The following RYR2 variants were observed in gnomAD, a reference collection of about 807,000 sequenced individuals.
The protein encoded by RYR2 is cardiac muscle ryanodine receptor-calcium release channel.
Under a neutral mutation model 601.1 loss-of-function variants are expected in RYR2, and 227 were observed. That is an observed-to-expected ratio of 0.38 (90% CI 0.34 to 0.42). The LOEUF (loss-of-function observed/expected upper bound fraction) is 0.42, where lower values mean the gene tolerates loss of function less well. Among genes scored for constraint, RYR2 ranks in the 10% least tolerant of loss-of-function variants. RYR2 has a pLI of 1.00. For missense variants in RYR2, 4,646 were observed against 6,156.5 expected (o/e 0.75, Z 8.21); for synonymous variants, 2,223 against 2,175.1 (o/e 1.02, Z -0.61).
chr1:237,643,915 T>A (rs1398172539), intron 48 of RYR2, among the ~76,000 whole-genome samples: 1 of 152,056 alleles, frequency 6.6e-6, no homozygotes, highest in East Asian at 1.9e-4. Flanking sequence ...CATCCAGACT[T>A]TTTTCCATTG....
At chr1:237,426,335 C>G (rs1172167032) in intron 12 of RYR2, among the ~76,000 whole-genome samples, 1 of 152,134 alleles carries the variant, frequency 6.6e-6, no homozygotes, top group Non-Finnish European at 1.5e-5. Flanking sequence ...GCATCTGTAT[C>G]TATATATTTG....
At chr1:237,152,851 A>G (rs907640632) in intron 1 of RYR2, among the ~76,000 whole-genome samples, 1 of 152,228 alleles carries the variant, frequency 6.6e-6, no homozygotes, top group African/African-American at 2.4e-5. Context: ...AAAAGAAACT[A>G]TCATCAGAGC....
At chr1:237,502,500 G>A (rs1437717816) in intron 21 of RYR2, among the ~76,000 whole-genome samples, 2 of 152,086 alleles carry the variant, frequency 1.3e-5, no homozygotes, top group Non-Finnish European at 2.9e-5. Context: ...TTGAAGGTGG[G>A]GATGGTTTCA....
intron 14 of RYR2, among the ~76,000 whole-genome samples, chr1:237,454,032 C>T (rs1301734258): frequency 6.6e-6 from 1 of 152,114 alleles, no homozygotes; most frequent in African/African-American, 2.4e-5. Context: ...AAGGAAATGT[C>T]AGAATTATGA....
intron 24 of RYR2, among the ~76,000 whole-genome samples, chr1:237,513,812 A>G (rs952913297): frequency 2.6e-5 from 4 of 152,246 alleles, no homozygotes; most frequent in Non-Finnish European, 5.9e-5. Context: ...TAATGTTCAC[A>G]TAATGATGAA....
chr1:237,572,101 G>A (rs1451573272), intron 29 of RYR2, among the ~76,000 whole-genome samples: 1 of 152,034 alleles, frequency 6.6e-6, no homozygotes, highest in African/African-American at 2.4e-5. Context: ...TTATCTCCGG[G>A]TGGTGAAATT....
chr1:237,780,480 A>G (rs540992140), intron 88 of RYR2, among the ~76,000 whole-genome samples: 84 of 151,810 alleles, frequency 5.5e-4, no homozygotes, highest in African/African-American at 2.0e-3. Flanking sequence ...AACACTGTAT[A>G]GCTTCATATG....
At chr1:237,174,102 G>T (rs1450793349) in intron 1 of RYR2, among the ~76,000 whole-genome samples, 1 of 152,090 alleles carries the variant, frequency 6.6e-6, no homozygotes, top group Non-Finnish European at 1.5e-5. Context: ...ATTTAAAAGA[G>T]ATTGTTTCAA....
Position 237,608,021 on chromosome 1 carries a change from C to T in RYR2, c.4684-2741C>T, listed in dbSNP as rs185423437. Among the ~76,000 whole-genome samples, 743 of 152,250 alleles carry T rather than the reference C, an allele frequency of 4.9e-3. 4 individuals are homozygous for T. The highest frequency in any genetic ancestry group is 9.1e-3 in the Non-Finnish European group (621 of 68,020). ...ACATACGTATGCATACCTATATACA[C>T]ATATGTATACACCATTGTGCTAAAA... is the stretch of plus-strand genomic sequence containing the variant. On this transcript the variant is annotated intron_variant, in intron 35 of 104. Transcript: ENST00000366574.
chr1:237,185,472 T>G (rs144882969), intron 1 of RYR2, among the ~76,000 whole-genome samples: 1 of 152,284 alleles, frequency 6.6e-6, no homozygotes, highest in East Asian at 1.9e-4. Flanking sequence ...CTACTTTGCC[T>G]CTCACATTCT....
At chr1:237,091,508 T>C (rs1445559090) in intron 1 of RYR2, among the ~76,000 whole-genome samples, 1 of 151,792 alleles carries the variant, frequency 6.6e-6, no homozygotes, top group Non-Finnish European at 1.5e-5. Context: ...CACTGCAACC[T>C]CCGCCTCCTG....
intron 99 of RYR2, among the ~76,000 whole-genome samples, chr1:237,807,435 C>A (rs1043391658): frequency 6.6e-6 from 1 of 152,198 alleles, no homozygotes; most frequent in Non-Finnish European, 1.5e-5. Context: ...ACTGCAACCT[C>A]CGCCTCCCTA....
chr1:237,691,860 G>T (rs1390638773), intron 63 of RYR2, among the ~76,000 whole-genome samples: 2 of 152,144 alleles, frequency 1.3e-5, no homozygotes, highest in Non-Finnish European at 2.9e-5. Flanking sequence ...ACATAAATAG[G>T]ACGTAGGCAG....
intron 1 of RYR2, among the ~76,000 whole-genome samples, chr1:237,269,469 T>C (rs1222570237): frequency 1.3e-5 from 2 of 152,128 alleles, no homozygotes; most frequent in Non-Finnish European, 2.9e-5. Context: ...AGAATATACT[T>C]GTGTGTCCTT....
chr1:237,600,196 A>C (rs906052128), intron 34 of RYR2, among the ~76,000 whole-genome samples: 5 of 152,176 alleles, frequency 3.3e-5, no homozygotes, highest in African/African-American at 1.2e-4. Flanking sequence ...AGCCATAGTA[A>C]CCAAAACACT....
At chr1:237,697,696 GC>G (rs1687618452) in intron 63 of RYR2, among the ~76,000 whole-genome samples, 2 of 150,042 alleles carry the variant, frequency 1.3e-5, no homozygotes. Flanking sequence ...ATTTGAGAGT[GC>G]CTGGTTTTAA....
rs116340616 is a variant in RYR2 at position 237,343,308 on chromosome 1, C to T, written c.273+12326C>T. 5.6e-3 allele frequency among the ~76,000 whole-genome samples: 845 copies of T among 151,986 alleles called. 4 individuals carry two copies. Among genetic ancestry groups the T allele is most frequent in the African/African-American group, 0.017 (692 of 41,480 alleles). ...AAAGCTAAATGAAAGTTAAATAACACGAGAGATCACAGAAGAAACAGCAGC... is the reference window on the plus strand; with the variant it reads ...AAAGCTAAATGAAAGTTAAATAACATGAGAGATCACAGAAGAAACAGCAGC... On this transcript the variant is annotated intron_variant, in intron 3 of 104. Transcript: ENST00000366574.
At chr1:237,423,772 C>A (rs1328385748) in intron 12 of RYR2, among the ~76,000 whole-genome samples, 2 of 152,176 alleles carry the variant, frequency 1.3e-5, no homozygotes, top group Admixed American at 1.3e-4. Context: ...ATATGCGGAC[C>A]TTCATCCTTA....
chr1:237,158,228 G>T (rs907182666), intron 1 of RYR2, among the ~76,000 whole-genome samples: 1 of 152,298 alleles, frequency 6.6e-6, no homozygotes, highest in South Asian at 2.1e-4. Context: ...AGTTATAGAT[G>T]GAGTGAGTTG....
Sources: gnomAD v4.1 joint callset for allele counts (sites outside exome capture counted in the v4.1 genomes callset) on GRCh38, gnomAD v4.1.1 for gene constraint, MANE v1.5 for transcripts, NCBI Gene and HGNC (gene_info 2026-07-23, HGNC 2026-07-21) for gene names.